The following LRRC37B variants were observed in gnomAD, a reference collection of about 807,000 sequenced individuals.
LRRC37B encodes leucine rich repeat containing 37B, also known as leucine-rich repeat-containing protein 37B.
Under a neutral mutation model 98.3 loss-of-function variants are expected in LRRC37B, and 28 were observed. The observed-to-expected ratio is 0.28, with a 90% confidence interval of 0.21 to 0.39. The LOEUF (loss-of-function observed/expected upper bound fraction) is 0.39, where lower values mean the gene tolerates loss of function less well. Among genes scored for constraint, LRRC37B ranks in the 10% least tolerant of loss-of-function variants. The probability of loss-of-function intolerance (pLI) is 1.00; values close to 1 mark genes in which losing one functional copy is unlikely to be tolerated. For synonymous variants in LRRC37B, 364 were observed against 442.7 expected, an observed-to-expected ratio of 0.82 and a Z score of 2.23; for missense variants, 938 against 1,182.7, an observed-to-expected ratio of 0.79 and a Z score of 3.03.
At chr17:32,019,115 CTG>C (rs1910708575), upstream of LRRC37B, among the ~76,000 whole-genome samples, 3 of 152,266 alleles carry the variant, frequency 2.0e-5, no homozygotes, top group Admixed American at 1.3e-4. Context: ...TTAGGAGAGA[CTG>C]TTTTTCGCCA....
chr17:32,038,085 C>A (rs1567617397), intron 7 of LRRC37B, among the ~76,000 whole-genome samples: 1 of 151,866 alleles, frequency 6.6e-6, no homozygotes, highest in Non-Finnish European at 1.5e-5. Context: ...AGAGATCACG[C>A]CACTGCACTC....
At chr17:32,053,329 G>T in exon 12 of LRRC37B, 1 of 1,603,732 alleles carries the variant, frequency 6.2e-7, no homozygotes, top group Non-Finnish European at 8.5e-7. Context: ...AGGAGCCTGA[G>T]CATGAGTTAA....
chr17:32,047,119 A>C (rs1911607412), intron 8 of LRRC37B: 1 of 157,210 alleles, frequency 6.4e-6, no homozygotes, highest in Non-Finnish European at 1.4e-5. Context: ...TAAGAAAAGA[A>C]CTAAGGTGGA....
chr17:32,032,992 C>T (rs181248687), intron 5 of LRRC37B, among the ~76,000 whole-genome samples: 1 of 152,030 alleles, frequency 6.6e-6, no homozygotes, highest in African/African-American at 2.4e-5. Context: ...GGTGAAACCC[C>T]GTCTGTACTA....
intron 7 of LRRC37B, chr17:32,042,728 G>A (rs922815409): frequency 2.0e-5 from 3 of 152,298 alleles, no homozygotes; most frequent in African/African-American, 7.3e-5. Context: ...AGTACATGAA[G>A]GGCACAGACA....
At chr17:32,034,849 C>G in intron 5 of LRRC37B, 61 bp from the exon 9 acceptor site, 1 of 1,298,384 alleles carries the variant, frequency 7.7e-7, no homozygotes, top group South Asian at 1.2e-5. Flanking sequence ...TGAATATAGA[C>G]TTTTTATGCA....
chr17:32,010,629 CT>C (rs990744921), intron 1 of LRRC37B, among the ~76,000 whole-genome samples: 2 of 151,894 alleles, frequency 1.3e-5, no homozygotes, highest in African/African-American at 4.8e-5. Flanking sequence ...GATGTTTATC[CT>C]TTTTTTTGTA....
At chr17:32,031,747 G>A (rs1381127516) in intron 5 of LRRC37B, among the ~76,000 whole-genome samples, 16 of 151,658 alleles carry the variant, frequency 1.1e-4, no homozygotes, top group African/African-American at 3.9e-4. Flanking sequence ...GCTCAGGCCT[G>A]TAATCCCAGA....
Position 32,010,336 on chromosome 17 carries a change from A to G in LRRC37B, c.-191+2204A>G, listed in dbSNP as rs188254161. Among the ~76,000 whole-genome samples the G allele has an allele frequency of 1.7e-3, 257 of 152,332 alleles. 1 individual carries two copies. Among genetic ancestry groups the G allele is most frequent in the Non-Finnish European group, 7.3e-4 (50 of 68,028 alleles). On this transcript the variant is annotated intron_variant, in intron 1 of 14. Coordinates refer to the LRRC37B transcript ENST00000543378. ...AAACTTTATGAACACTGCAGTTTGA[A>G]TTTCACATAATTTACAAATTATCAA...
intron 11 of LRRC37B, chr17:32,052,970 T>TGG (rs11318580): frequency 2.0e-4 from 53 of 259,138 alleles, no homozygotes; most frequent in African/African-American, 1.0e-3. Context: ...ATAAAGTATA[T>TGG]GGGGGGGGGT....
upstream of LRRC37B, among the ~76,000 whole-genome samples, chr17:32,019,251 T>G (rs1334230445): frequency 6.6e-6 from 1 of 152,206 alleles, no homozygotes; most frequent in East Asian, 1.9e-4. Flanking sequence ...TTATACAGTA[T>G]TTTAACTACA....
At chr17:32,035,753 A>G in intron 7 of LRRC37B, 114 bp downstream of exon 10, 4 of 1,142,478 alleles carry the variant, frequency 3.5e-6, no homozygotes, top group Non-Finnish European at 5.0e-6. Flanking sequence ...TTCACCCTTT[A>G]TAAGTGTATA....
At position 32,049,084 on chromosome 17, in the gene LRRC37B, C is replaced by A. The variant is rs748779786; in HGVS notation, c.2465-18C>A. On this transcript the variant is annotated intron_variant, in intron 9 of 11. Transcript: ENST00000327564. ...CCTGAGCCCAAAAGCTTCAATTACC[C>A]ATTGCTCTCGTCCCCAGGTGATCAG... 2.5e-6 allele frequency: 4 copies of A among 1,613,642 alleles called. No homozygotes were observed. Among genetic ancestry groups the A allele is most frequent in the Non-Finnish European group, 3.4e-6 (4 of 1,179,756 alleles).
At chr17:32,013,894 G>T (rs890966668) in intron 1 of LRRC37B, among the ~76,000 whole-genome samples, 1 of 151,898 alleles carries the variant, frequency 6.6e-6, no homozygotes, top group African/African-American at 2.4e-5. Flanking sequence ...GATACCTTTG[G>T]CCACTACATC....
exon 9 of LRRC37B, chr17:32,047,893 G>C: frequency 1.2e-6 from 2 of 1,614,102 alleles, no homozygotes; most frequent in South Asian, 2.2e-5. Context: ...AACTTGTCAG[G>C]CTTTGGGGGT....
At chr17:32,034,845 T>C (rs1267945894) in intron 5 of LRRC37B, 65 bp from the exon 9 acceptor site, 21 of 1,261,670 alleles carry the variant, frequency 1.7e-5, no homozygotes, top group Non-Finnish European at 2.3e-5. Flanking sequence ...AAAATGAATA[T>C]AGACTTTTTA....
chr17:32,032,673 C>A (rs1288425431), intron 5 of LRRC37B, among the ~76,000 whole-genome samples: 1 of 152,162 alleles, frequency 6.6e-6, no homozygotes, highest in African/African-American at 2.4e-5. Context: ...GCAGTTTCTG[C>A]AGATGCTCCT....
intron 1 of LRRC37B, among the ~76,000 whole-genome samples, chr17:32,014,532 T>TA (rs1431194551): frequency 6.6e-6 from 1 of 152,208 alleles, no homozygotes; most frequent in African/African-American, 2.4e-5. Flanking sequence ...AAAGGAAAAT[T>TA]ATACCAGTGG....
chr17:32,029,495 G>T (rs1911054878), intron 3 of LRRC37B, among the ~76,000 whole-genome samples: 1 of 151,810 alleles, frequency 6.6e-6, no homozygotes, highest in Non-Finnish European at 1.5e-5. Flanking sequence ...TGTTTCTGAA[G>T]CATAGAAGAG....
Sources: gnomAD v4.1 joint callset for allele counts (sites outside exome capture counted in the v4.1 genomes callset) on GRCh38, gnomAD v4.1.1 for gene constraint, MANE v1.5 for transcripts, NCBI Gene and HGNC (gene_info 2026-07-23, HGNC 2026-07-21) for gene names.